IL6ST: variants seen among roughly 807,000 people sequenced by gnomAD.
IL6ST encodes interleukin-6 receptor subunit beta.
IL6ST carries 24 observed loss-of-function variants against 91.3 expected under a neutral mutation model. The observed-to-expected ratio is 0.26, with a 90% CI of 0.19 to 0.37. The LOEUF (loss-of-function observed/expected upper bound fraction) is 0.37. Among genes scored for constraint, IL6ST ranks in the 10% least tolerant of loss-of-function variants. IL6ST has a pLI of 1.00. For synonymous variants in IL6ST, 351 were observed against 373.6 expected (o/e 0.94, Z 0.70); for missense variants, 914 against 1,078.5 (o/e 0.85, Z 2.14).
intron 6 of IL6ST, among the ~76,000 whole-genome samples, chr5:55,963,718 T>G (rs1392630136): frequency 4.6e-5 from 7 of 152,186 alleles, no homozygotes; most frequent in Non-Finnish European, 8.8e-5. Flanking sequence ...TAATTTACAT[T>G]TGTTAATCTC....
intron 9 of IL6ST, 75 bp from the exon 10 acceptor site, chr5:55,956,310 C>A: frequency 1.3e-6 from 1 of 773,542 alleles, no homozygotes; most frequent in Non-Finnish European, 2.1e-6. Context: ...TTCATATTCA[C>A]AAATCATGCC....
Position 55,954,804 on chromosome 5 carries a change from G to A in IL6ST, c.1450+6C>T, listed in dbSNP as rs781315230. On this transcript the variant is annotated splice_donor_region_variant and intron_variant, in intron 11 of 16. Transcript: ENST00000381298. ...TATCAATTTAGATGTTTCTAGCCAG[G>A]TATACCTCTTAAATAGGTGCGATGC... 2.5e-6 allele frequency: 4 copies of A among 1,593,548 alleles called. No individual in the cohort carries two copies. Among genetic ancestry groups the A allele is most frequent in the East Asian group, 2.2e-5 (1 of 44,482 alleles).
At chr5:55,963,320 A>G in intron 7 of IL6ST, 32 bp downstream of exon 7, 2 of 1,464,816 alleles carry the variant, frequency 1.4e-6, no homozygotes. Flanking sequence ...TGAAAGAAGG[A>G]CTATTTGAAT....
chr5:55,944,364 T>C (rs73756159), intron 15 of IL6ST, among the ~76,000 whole-genome samples: 6,190 of 152,252 alleles, frequency 0.041, 417 homozygotes, highest in African/African-American at 0.14. Flanking sequence ...TATCAAAGTC[T>C]CAGTATACAT....
intron 5 of IL6ST, 100 bp from the exon 6 acceptor site, chr5:55,964,412 T>A (rs1752520294): frequency 1.4e-6 from 1 of 710,506 alleles, no homozygotes; most frequent in Admixed American, 3.3e-5. Context: ...CCTAGATTGT[T>A]GTAGCAAACT....
intron 2 of IL6ST, among the ~76,000 whole-genome samples, chr5:55,980,528 C>T (rs565403403): frequency 4.6e-5 from 7 of 151,912 alleles, no homozygotes; most frequent in African/African-American, 1.2e-4. Context: ...CCAGGCTGGG[C>T]GACAGAGTGA....
chr5:55,977,573 C>G lies in IL6ST; in HGVS notation c.-15-1280G>C, dbSNP rs190140421. On this transcript the variant is annotated intron_variant, in intron 2 of 16. Coordinates refer to ENST00000381298, the MANE Select transcript of IL6ST (RefSeq NM_002184.4). Reference sequence around the variant, plus strand: ...GGACGCGATGGCTCACGCCTGTAATCCCAGCACTTTGGGAGGCCGAGGTGG... The same window carrying G: ...GGACGCGATGGCTCACGCCTGTAATGCCAGCACTTTGGGAGGCCGAGGTGG... 9.3e-4 allele frequency among the ~76,000 whole-genome samples: 142 copies of G among 152,268 alleles called. 1 individual carries two copies. Among genetic ancestry groups the G allele is most frequent in the African/African-American group, 3.2e-3 (132 of 41,552 alleles).
At chr5:55,965,308 G>A (rs1424950134) in intron 5 of IL6ST, among the ~76,000 whole-genome samples, 1 of 152,110 alleles carries the variant, frequency 6.6e-6, no homozygotes, top group East Asian at 1.9e-4. Context: ...AATTATGTTA[G>A]TGTTGTTGTC....
chr5:55,963,058 C>T (rs945122495), intron 7 of IL6ST, among the ~76,000 whole-genome samples: 3 of 150,604 alleles, frequency 2.0e-5, no homozygotes, highest in Non-Finnish European at 2.9e-5. Context: ...AGTGAGCCAG[C>T]GGCCTGGGCA....
At position 55,939,279 on chromosome 5, in the gene IL6ST, T is replaced by A. The variant is rs62363869; in HGVS notation, c.*1803A>T. The A allele has an allele frequency of 4.8e-6, 1 of 210,128 alleles. No individual in the cohort carries two copies. The highest frequency in any genetic ancestry group is 7.2e-5 in the East Asian group (1 of 13,972). 13.0% of individuals were successfully genotyped at this position (210,128 alleles called of 1,614,324 possible). Reference sequence around the variant, plus strand: ...CTGTGCCTGATTTTCCTCATCTACTTTGAATTCGTCATTCTATTAATCTAC... The same window carrying A: ...CTGTGCCTGATTTTCCTCATCTACTATGAATTCGTCATTCTATTAATCTAC... On this transcript the variant is annotated 3_prime_UTR_variant, in exon 17 of 17. Transcript: ENST00000381298.
At chr5:55,992,966 C>T (rs973406144) in intron 1 of IL6ST, among the ~76,000 whole-genome samples, 5 of 152,178 alleles carry the variant, frequency 3.3e-5, no homozygotes, top group African/African-American at 9.7e-5. Context: ...TTTGTGAGTT[C>T]GTACAGCAGG....
rs895383863 is a variant in IL6ST at position 55,937,734 on chromosome 5, A to AT, written c.*3347dup. On this transcript the variant is annotated 3_prime_UTR_variant, in exon 17 of 17. Coordinates refer to ENST00000381298, the MANE Select transcript of IL6ST (RefSeq NM_002184.4). ...CTGTAATAGAAAGCTATCCCAGTAA[A>AT]TTTTTTTTGAACAATTGAACTTTTG... 2.1e-5 allele frequency: 4 copies of AT among 193,958 alleles called. No individual in the cohort carries two copies. The highest frequency in any genetic ancestry group is 3.2e-5 in the Non-Finnish European group (3 of 93,192). 12.0% of individuals were successfully genotyped at this position (193,958 alleles called of 1,614,324 possible).
chr5:55,964,172 T>C lies in IL6ST; in HGVS notation c.632A>G (p.His211Arg). 6.2e-7 allele frequency: 1 copy of C among 1,603,334 alleles called. No homozygotes were observed. Among genetic ancestry groups the C allele is most frequent in the Non-Finnish European group, 8.5e-7 (1 of 1,175,082 alleles). Residue 211 changes from histidine (H) to arginine (R), a missense_variant, in exon 6 of 17, where the codon CAT (histidine) becomes CGT (arginine). Transcript: ENST00000381298. Reference sequence around the variant, plus strand: ...TTTATATACAGGATCAAAATTGATATGATCTGATGTAACCTTCCCAAGGGC... The same window carrying C: ...TTTATATACAGGATCAAAATTGATACGATCTGATGTAACCTTCCCAAGGGC... ...ENALGKVTSD[H>R]INFDPVYKVK...
At chr5:55,962,401 T>C (rs1173068369) in intron 7 of IL6ST, among the ~76,000 whole-genome samples, 2 of 152,238 alleles carry the variant, frequency 1.3e-5, no homozygotes, top group Admixed American at 1.3e-4. Context: ...GATAGCTGAA[T>C]GCTATGGTGA....
intron 8 of IL6ST, among the ~76,000 whole-genome samples, chr5:55,960,070 G>C (rs1157170829): frequency 2.6e-5 from 4 of 152,018 alleles, no homozygotes; most frequent in Non-Finnish European, 5.9e-5. Context: ...ATTTTTAATA[G>C]AGAAGGGGTT....
Position 55,951,487 on chromosome 5 carries a change from A to C in IL6ST, c.1817T>G (p.Phe606Cys), listed in dbSNP as rs1168471360. The C allele has an allele frequency of 6.2e-7, 1 of 1,612,056 alleles. No homozygotes were observed. The highest frequency in any genetic ancestry group is 1.3e-5 in the African/African-American group (1 of 74,980). ...ACCAAACTTTGGGGTAGTAAAAGTG[A>C]ATTCTGGACCATCCTTCCCACCTTC... ...TDEGGKDGPE[F>C]TFTTPKFAQG... Residue 606 changes from phenylalanine to cysteine, a missense_variant, in exon 14 of 17, where the codon TTC becomes TGC. Phe to Cys is a radical substitution (Grantham distance 205). Coordinates refer to ENST00000381298, the MANE Select transcript of IL6ST (RefSeq NM_002184.4).
Position 55,936,364 on chromosome 5 carries a change from T to TTTTTA in IL6ST, c.*4717_*4718insTAAAA, listed in dbSNP as rs375868893. 6 of 188,754 alleles carry TTTTTA rather than the reference T, an allele frequency of 3.2e-5. No individual in the cohort carries two copies. The highest frequency in any genetic ancestry group is 6.4e-5 in the Non-Finnish European group (6 of 94,384). The allele number at this position is 188,754 out of a possible 1,614,324, so 11.7% of individuals were successfully genotyped here. On this transcript the variant is annotated 3_prime_UTR_variant, in exon 17 of 17. Transcript: ENST00000381298. ...AGGTTTTTTTTTTTTTTTTTTTTTT[T>TTTTTA]AATGTCCACTAGGAGGGAGGATGCT...
intron 1 of IL6ST, among the ~76,000 whole-genome samples, chr5:55,984,528 C>A (rs1338833141): frequency 1.3e-5 from 2 of 152,108 alleles, no homozygotes; most frequent in Non-Finnish European, 2.9e-5. Flanking sequence ...GGAATCTCAA[C>A]GACGATGGCT....
Position 55,952,256 on chromosome 5 carries a change from G to C in IL6ST, c.1546C>G (p.Gln516Glu). The change falls in exon 12 of 17, where the codon CAA (glutamine) becomes GAA (glutamate). Residue 516 changes from glutamine (Q) to glutamate (E), a missense_variant. Coordinates refer to ENST00000381298, the MANE Select transcript of IL6ST (RefSeq NM_002184.4). ...SPESIKAYLK[Q>E]APPSKGPTVR... ...GAAGTGAGTTTGGACTTACGAGCTTGTTTAAGGTATGCCTTTATGGATTCA... is the reference window on the plus strand; with the variant it reads ...GAAGTGAGTTTGGACTTACGAGCTTCTTTAAGGTATGCCTTTATGGATTCA... 6.2e-7 allele frequency: 1 copy of C among 1,605,834 alleles called. No homozygotes were observed. The highest frequency in any genetic ancestry group is 8.5e-7 in the Non-Finnish European group (1 of 1,173,688).
Sources: gnomAD v4.1 joint callset for allele counts (sites outside exome capture counted in the v4.1 genomes callset) on GRCh38, gnomAD v4.1.1 for gene constraint, MANE v1.5 for transcripts, NCBI Gene and HGNC (gene_info 2026-07-23, HGNC 2026-07-21) for gene names.